HELZ: variants seen among roughly 807,000 people sequenced by gnomAD.
HELZ encodes the protein ATP-dependent RNA helicase with zinc finger domain.
HELZ carries 23 observed loss-of-function variants against 218.2 expected under a neutral mutation model. The observed-to-expected ratio is 0.11, with a 90% confidence interval of 0.08 to 0.15. The LOEUF is 0.15. HELZ is among the 10% of genes least tolerant of loss of function. The probability of loss-of-function intolerance (pLI) is 1.00; values close to 1 mark genes in which losing one functional copy is unlikely to be tolerated. For missense variants in HELZ, 1,813 were observed against 2,353.7 expected (o/e 0.77, Z 4.75); for synonymous variants, 814 against 829.4 (o/e 0.98, Z 0.32).
chr17:67,187,736 A>G (rs2039794775), intron 12 of HELZ, among the ~76,000 whole-genome samples: 1 of 152,182 alleles, frequency 6.6e-6, no homozygotes, highest in African/African-American at 2.4e-5. Context: ...TAAATTGACA[A>G]TGTACAAAGT....
At chr17:67,124,133 G>T in intron 24 of HELZ, 119 bp from the exon 25 acceptor site, 1 of 659,926 alleles carries the variant, frequency 1.5e-6, no homozygotes, top group Non-Finnish European at 2.6e-6. Flanking sequence ...TCTAAAAACT[G>T]TGAGTCTATA....
chr17:67,192,962 T>G (rs1171867342), intron 9 of HELZ, among the ~76,000 whole-genome samples: 1 of 152,188 alleles, frequency 6.6e-6, no homozygotes, highest in East Asian at 1.9e-4. Context: ...TAAAACAATT[T>G]AACATTTCTT....
chr17:67,218,497 T>A, intron 4 of HELZ, 98 bp downstream of exon 4: 3 of 922,628 alleles, frequency 3.3e-6, no homozygotes, highest in South Asian at 2.8e-5. Context: ...TTCACTCACA[T>A]CTCTTTGGCC....
intron 9 of HELZ, among the ~76,000 whole-genome samples, chr17:67,191,800 A>T (rs12945739): frequency 6.9e-5 from 10 of 144,476 alleles, no homozygotes; most frequent in African/African-American, 1.8e-4. Context: ...TTAACTTTTT[A>T]AAAAAGTTTT....
intron 23 of HELZ, among the ~76,000 whole-genome samples, chr17:67,133,589 A>ACTAGAGCCTCAACCTCCTG (rs1342215578): frequency 1.3e-5 from 2 of 152,090 alleles, no homozygotes; most frequent in Non-Finnish European, 2.9e-5. Flanking sequence ...TGGCGTGATC[A>ACTAGAGCCTCAACCTCCTG]CTAGAGCCTC....
intron 31 of HELZ, among the ~76,000 whole-genome samples, chr17:67,092,443 A>T (rs979984462): frequency 6.6e-6 from 1 of 152,218 alleles, no homozygotes; most frequent in African/African-American, 2.4e-5. Flanking sequence ...GTTAAATGAA[A>T]GTCTATACAG....
intron 4 of HELZ, among the ~76,000 whole-genome samples, chr17:67,217,931 T>G (rs908553832): frequency 1.7e-5 from 2 of 120,820 alleles, no homozygotes; most frequent in Non-Finnish European, 1.6e-5. Flanking sequence ...TTTTTTGTTG[T>G]TTTTTTTTTT....
In HELZ at chr17:67,110,778, C is replaced by G. The variant is rs144957408; in HGVS notation, c.3919-1092G>C. Among the ~76,000 whole-genome samples the G allele has an allele frequency of 2.0e-5, 3 of 152,320 alleles. No homozygotes were observed. In the East Asian group the frequency reaches 5.8e-4, roughly 29 times the overall value. On this transcript the variant is annotated intron_variant, in intron 28 of 32. Transcript: ENST00000358691. ...GCACTATAATGATAGAGCAGAACAG[C>G]TCCAACAGAGACCATGTGGTCCCCA...
At chr17:67,141,869 C>A (rs1361785809) in intron 21 of HELZ, among the ~76,000 whole-genome samples, 1 of 152,002 alleles carries the variant, frequency 6.6e-6, no homozygotes, top group Non-Finnish European at 1.5e-5. Flanking sequence ...CATGGTGAAA[C>A]CCTGCCTCTA....
chr17:67,095,814 T>C (rs1385629570), intron 31 of HELZ, among the ~76,000 whole-genome samples: 1 of 152,210 alleles, frequency 6.6e-6, no homozygotes, highest in African/African-American at 2.4e-5. Context: ...ACAGTATATA[T>C]TTTTTGTTCT....
At chr17:67,169,019 G>A (rs895825738) in intron 13 of HELZ, among the ~76,000 whole-genome samples, 2 of 152,078 alleles carry the variant, frequency 1.3e-5, no homozygotes. Flanking sequence ...TTGAACCCAG[G>A]AGGTGGAGGT....
intron 3 of HELZ, chr17:67,224,619 G>A (rs978547116): frequency 1.9e-6 from 1 of 531,878 alleles, no homozygotes; most frequent in African/African-American, 2.0e-5. Context: ...TAAGTGTAAA[G>A]AGAAAAAATA....
intron 21 of HELZ, among the ~76,000 whole-genome samples, chr17:67,141,169 T>C (rs1339801201): frequency 1.3e-5 from 2 of 152,168 alleles, no homozygotes; most frequent in East Asian, 3.8e-4. Context: ...TGTGGGTAAT[T>C]ATAAAGACAG....
intron 3 of HELZ, among the ~76,000 whole-genome samples, chr17:67,219,271 G>C (rs1288996189): frequency 6.6e-6 from 1 of 152,080 alleles, no homozygotes; most frequent in Non-Finnish European, 1.5e-5. Flanking sequence ...TACCATGCAG[G>C]ATTATTTCCC....
chr17:67,133,463 T>C (rs933722753), intron 23 of HELZ, among the ~76,000 whole-genome samples: 1 of 152,228 alleles, frequency 6.6e-6, no homozygotes, highest in African/African-American at 2.4e-5. Context: ...TTCAGGTTGG[T>C]AAATATATTT....
At chr17:67,150,368 A>G (rs1178807806) in intron 18 of HELZ, among the ~76,000 whole-genome samples, 1 of 151,632 alleles carries the variant, frequency 6.6e-6, no homozygotes, top group Non-Finnish European at 1.5e-5. Flanking sequence ...GCCTCAAGTG[A>G]TCCGCCTGCC....
intron 3 of HELZ, among the ~76,000 whole-genome samples, chr17:67,236,631 T>C (rs2041193271): frequency 6.6e-6 from 1 of 152,232 alleles, no homozygotes; most frequent in Non-Finnish European, 1.5e-5. Context: ...TGTTTCATGA[T>C]ATAGTAAGTT....
At position 67,180,727 on chromosome 17, in the gene HELZ, A is replaced by G. The variant is rs370769330; in HGVS notation, c.1163-1801T>C. Among the ~76,000 whole-genome samples the G allele has an allele frequency of 2.6e-5, 4 of 152,092 alleles. No individual in the cohort carries two copies. The East Asian group carries it at 5.8e-4, about 22-fold the overall frequency. On this transcript the variant is annotated intron_variant, in intron 12 of 32. Coordinates refer to ENST00000358691, the MANE Select transcript of HELZ (RefSeq NM_014877.4). ...ACCCAGTCTCTACTAAAATACAAGA[A>G]ATTAGCTGGGCGTGGTGGCGGGTGC... is the stretch of plus-strand genomic sequence containing the variant.
At position 67,075,633 on chromosome 17, in the gene HELZ, G is replaced by A. The variant is rs1484019533; in HGVS notation, c.*2619C>T. The A allele has an allele frequency of 6.6e-6, 1 of 152,166 alleles. No individual in the cohort carries two copies. Among genetic ancestry groups the A allele is most frequent in the Non-Finnish European group, 1.5e-5 (1 of 68,030 alleles). The allele number at this position is 152,166 out of a possible 1,614,324, so 9.4% of individuals were successfully genotyped here. A position where few individuals can be genotyped will look rare whatever the true frequency, so the allele number is the denominator to read the frequency against. On this transcript the variant is annotated 3_prime_UTR_variant, in exon 33 of 33. Coordinates refer to ENST00000358691, the MANE Select transcript of HELZ (RefSeq NM_014877.4). ...ACAAGACGTGTTCAAAATGTTATAA[G>A]ATACTATGCGTAAAGAGCAGGTTCT...
Sources: allele counts gnomAD v4.1 joint callset (sites outside exome capture counted in the v4.1 genomes callset), GRCh38; gene constraint gnomAD v4.1.1; transcripts MANE v1.5; gene names NCBI Gene and HGNC (gene_info 2026-07-23, HGNC 2026-07-21).